GPR39: variants seen among roughly 807,000 people sequenced by gnomAD.
GPR39 encodes G protein-coupled receptor 39, also known as zinc sensing receptor.
GPR39 carries 23 observed loss-of-function variants against 18.4 expected under a neutral mutation model. The ratio of observed to expected loss-of-function variants is 1.25; its 90% CI spans 0.90 to 1.77. The LOEUF is 1.77. Among genes scored for constraint, GPR39 ranks in the 40% most tolerant of loss-of-function variants. The probability of loss-of-function intolerance (pLI) is 0.00; values close to 1 mark genes in which losing one functional copy is unlikely to be tolerated. For missense variants in GPR39, 647 were observed against 602.4 expected (o/e 1.07, Z -0.78); for synonymous variants, 280 against 257.9 (o/e 1.09, Z -0.82).
At chr2:132,438,190 G>T (rs981582970) in intron 1 of GPR39, among the ~76,000 whole-genome samples, 1 of 152,198 alleles carries the variant, frequency 6.6e-6, no homozygotes, top group African/African-American at 2.4e-5. Flanking sequence ...AAACAGATAC[G>T]CAAGGTCCAA....
intron 1 of GPR39, among the ~76,000 whole-genome samples, chr2:132,505,826 G>A (rs950494260): frequency 6.6e-6 from 1 of 152,116 alleles, no homozygotes; most frequent in Non-Finnish European, 1.5e-5. Flanking sequence ...GGCTAATTCC[G>A]TATCTTGGCT....
chr2:132,459,242 G>A (rs1680789890), intron 1 of GPR39, among the ~76,000 whole-genome samples: 1 of 152,146 alleles, frequency 6.6e-6, no homozygotes, highest in Non-Finnish European at 1.5e-5. Flanking sequence ...TAGAGTTATT[G>A]TTAAAAAGGG....
rs140096163 is a variant in GPR39, at chr2:132,523,157, C to A, written c.856+105259C>A. 2.4e-4 allele frequency among the ~76,000 whole-genome samples: 37 copies of A among 152,316 alleles called. No individual in the cohort carries two copies. The East Asian group carries it at 7.1e-3, about 29-fold the overall frequency. The stretch of plus-strand genomic sequence containing the variant: ...TCCTGTGGCCAGGAATTTCACAAAC[C>A]AGACATTACTTTTTTAAAAGAGAAA... On this transcript the variant is annotated intron_variant, in intron 1 of 1. Coordinates refer to ENST00000329321, the MANE Select transcript of GPR39 (RefSeq NM_001508.3).
At chr2:132,492,003 T>TTATA (rs547782847) in intron 1 of GPR39, among the ~76,000 whole-genome samples, 39 of 151,042 alleles carry the variant, frequency 2.6e-4, no homozygotes, top group African/African-American at 8.5e-4. Context: ...GATAAAGTAA[T>TTATA]TATATATATA....
intron 1 of GPR39, among the ~76,000 whole-genome samples, chr2:132,548,942 T>A (rs3109136): frequency 0.54 from 82,319 of 152,062 alleles, 23,315 homozygotes; most frequent in East Asian, 0.9. Context: ...CCCCTGGAAT[T>A]GGCCAGGTTC....
intron 1 of GPR39, among the ~76,000 whole-genome samples, chr2:132,576,943 C>T (rs762441403): frequency 6.6e-6 from 1 of 152,092 alleles, no homozygotes. Context: ...AATTTGTTTT[C>T]CTTATTTTGT....
intron 1 of GPR39, among the ~76,000 whole-genome samples, chr2:132,517,159 GTGTT>G (rs202113194): frequency 0.016 from 2,420 of 152,182 alleles, 85 homozygotes; most frequent in African/African-American, 0.056. Flanking sequence ...AGGGGTGTGT[GTGTT>G]TGTGTGTGTA....
intron 1 of GPR39, among the ~76,000 whole-genome samples, chr2:132,586,478 C>T (rs1680734761): frequency 6.6e-6 from 1 of 152,122 alleles, no homozygotes; most frequent in Non-Finnish European, 1.5e-5. Context: ...CTGTTGTCTG[C>T]GTGTTTGCTG....
chr2:132,514,741 A>G (rs1163401661), intron 1 of GPR39, among the ~76,000 whole-genome samples: 4 of 152,240 alleles, frequency 2.6e-5, no homozygotes, highest in African/African-American at 9.6e-5. Context: ...GATATATTAA[A>G]TAAATGCCAG....
At position 132,493,376 on chromosome 2, in the gene GPR39, T is replaced by C. The variant is rs543885446; in HGVS notation, c.856+75478T>C. ...ATACCACATATATACACTATATATA[T>C]ACACACCGTATATATACACACCATA... On this transcript the variant is annotated intron_variant, in intron 1 of 1. Transcript: ENST00000329321. Among the ~76,000 whole-genome samples the C allele has an allele frequency of 1.3e-3, 186 of 144,492 alleles. 1 individual carries two copies. Among genetic ancestry groups the C allele is most frequent in the Non-Finnish European group, 2.1e-3 (134 of 65,364 alleles). 94.8% of individuals were successfully genotyped at this position (144,492 alleles called of 152,430 possible).
intron 1 of GPR39, among the ~76,000 whole-genome samples, chr2:132,601,637 C>T (rs1681044608): frequency 1.3e-5 from 2 of 151,966 alleles, no homozygotes; most frequent in African/African-American, 4.8e-5. Flanking sequence ...TCAAATTGTC[C>T]CTCTTTGCAG....
intron 1 of GPR39, among the ~76,000 whole-genome samples, chr2:132,508,042 T>C (rs1679167876): frequency 1.3e-5 from 2 of 152,162 alleles, no homozygotes; most frequent in African/African-American, 4.8e-5. Flanking sequence ...TGATAACATA[T>C]GGTTCAAAGC....
intron 1 of GPR39, among the ~76,000 whole-genome samples, chr2:132,541,743 A>G (rs962468353): frequency 6.6e-6 from 1 of 152,210 alleles, no homozygotes; most frequent in Non-Finnish European, 1.5e-5. Flanking sequence ...GACAAGCCTT[A>G]TGCATCCTGG....
intron 1 of GPR39, among the ~76,000 whole-genome samples, chr2:132,486,676 C>T (rs922561633): frequency 2.0e-5 from 3 of 152,228 alleles, no homozygotes; most frequent in African/African-American, 7.2e-5. Flanking sequence ...CCTCAGCCTT[C>T]ATAGAATTAA....
chr2:132,489,847 T>G (rs1681422470), intron 1 of GPR39, among the ~76,000 whole-genome samples: 1 of 152,024 alleles, frequency 6.6e-6, no homozygotes, highest in Non-Finnish European at 1.5e-5. Flanking sequence ...ATGATCAATT[T>G]AGTCAGTTAC....
At chr2:132,493,426 C>CATATATACACACACCAT (rs1681556914) in intron 1 of GPR39, among the ~76,000 whole-genome samples, 1 of 144,566 alleles carries the variant, frequency 6.9e-6, no homozygotes, top group Non-Finnish European at 1.5e-5. Context: ...ATACACACGC[C>CATATATACACACACCAT]ATATATACAC....
intron 1 of GPR39, among the ~76,000 whole-genome samples, chr2:132,445,663 A>G (rs968325744): frequency 7.1e-5 from 8 of 112,492 alleles, no homozygotes; most frequent in Admixed American, 5.4e-4. Flanking sequence ...CGCTTCTATG[A>G]CAAATTGTTT....
At chr2:132,549,560 G>A (rs1447575674) in intron 1 of GPR39, among the ~76,000 whole-genome samples, 4 of 152,236 alleles carry the variant, frequency 2.6e-5, no homozygotes, top group South Asian at 2.1e-4. Flanking sequence ...AGACAGAGGC[G>A]GGTGTATCAC....
At chr2:132,539,781 G>T (rs1325240149) in intron 1 of GPR39, among the ~76,000 whole-genome samples, 1 of 152,084 alleles carries the variant, frequency 6.6e-6, no homozygotes, top group African/African-American at 2.4e-5. Context: ...GATAAGACAG[G>T]GGAGGGGAAC....
Sources: gnomAD v4.1 joint callset for allele counts (sites outside exome capture counted in the v4.1 genomes callset) on GRCh38, gnomAD v4.1.1 for gene constraint, MANE v1.5 for transcripts, NCBI Gene and HGNC (gene_info 2026-07-23, HGNC 2026-07-21) for gene names.